MARK1: variants seen among roughly 807,000 people sequenced by gnomAD.
MARK1 encodes the protein microtubule affinity regulating kinase 1, also known as serine/threonine-protein kinase MARK1.
Under a neutral mutation model 96.3 loss-of-function variants are expected in MARK1, and 40 were observed. That is an observed-to-expected ratio of 0.42 (90% CI 0.32 to 0.54). MARK1 has a LOEUF of 0.54. Among genes scored for constraint, MARK1 ranks in the 20% least tolerant of loss-of-function variants. MARK1 has a pLI of 0.16. For missense variants in MARK1, 719 were observed against 984.6 expected, an observed-to-expected ratio of 0.73 and a Z score of 3.61; for synonymous variants, 317 against 341.2, an observed-to-expected ratio of 0.93 and a Z score of 0.78.
chr1:220,537,174 G>T (rs547145868), intron 1 of MARK1, among the ~76,000 whole-genome samples: 6 of 149,380 alleles, frequency 4.0e-5, no homozygotes, highest in African/African-American at 1.2e-4. Flanking sequence ...TGCCATGCTG[G>T]TGTGCTGCAC....
At chr1:220,551,899 T>A (rs2102744977) in intron 1 of MARK1, among the ~76,000 whole-genome samples, 1 of 152,312 alleles carries the variant, frequency 6.6e-6, no homozygotes, top group Non-Finnish European at 1.5e-5. Context: ...GTTCTTTGCC[T>A]GGTGAAGTAA....
At chr1:220,570,657 A>G (rs188398617) in intron 1 of MARK1, among the ~76,000 whole-genome samples, 2 of 152,250 alleles carry the variant, frequency 1.3e-5, no homozygotes, top group East Asian at 3.9e-4. Context: ...TTAATATGTT[A>G]TTGGTGATAT....
chr1:220,635,652 C>T, intron 12 of MARK1, 123 bp downstream of exon 12: 1 of 1,203,524 alleles, frequency 8.3e-7, no homozygotes, highest in Non-Finnish European at 1.1e-6. Flanking sequence ...ACTTATATTA[C>T]TGAATTATAA....
At chr1:220,648,294 GTAGT>G (rs1668694190) in intron 13 of MARK1, among the ~76,000 whole-genome samples, 1 of 152,154 alleles carries the variant, frequency 6.6e-6, no homozygotes, top group Admixed American at 6.5e-5. Context: ...GTCTGCAAGG[GTAGT>G]TTTCCACCTA....
At chr1:220,531,108 T>C (rs1019656497) in intron 1 of MARK1, among the ~76,000 whole-genome samples, 4 of 152,212 alleles carry the variant, frequency 2.6e-5, no homozygotes, top group African/African-American at 9.6e-5. Context: ...TAGGTGTTTA[T>C]CAAAGAGGCC....
At chr1:220,580,848 A>AT (rs1405359033) in intron 2 of MARK1, among the ~76,000 whole-genome samples, 1 of 152,202 alleles carries the variant, frequency 6.6e-6, no homozygotes, top group Non-Finnish European at 1.5e-5. Flanking sequence ...CAAAGCTTTC[A>AT]TTTCATTGGC....
intron 3 of MARK1, among the ~76,000 whole-genome samples, chr1:220,582,197 C>A (rs188906771): frequency 7.9e-5 from 12 of 152,326 alleles, no homozygotes; most frequent in African/African-American, 2.9e-4. Flanking sequence ...GAAAATTTGA[C>A]AACCAGTATA....
chr1:220,645,151 T>C (rs1242398204), intron 13 of MARK1, among the ~76,000 whole-genome samples: 3 of 151,666 alleles, frequency 2.0e-5, no homozygotes, highest in Non-Finnish European at 4.4e-5. Context: ...TTTGAAAATA[T>C]AAATAAAACA....
At chr1:220,647,360 T>A (rs1668637588) in intron 13 of MARK1, among the ~76,000 whole-genome samples, 1 of 152,102 alleles carries the variant, frequency 6.6e-6, no homozygotes, top group Admixed American at 6.5e-5. Context: ...TACCATCTCA[T>A]GCCAGTCAGA....
At chr1:220,589,958 T>A (rs190954810) in intron 3 of MARK1, among the ~76,000 whole-genome samples, 1 of 152,332 alleles carries the variant, frequency 6.6e-6, no homozygotes, top group East Asian at 1.9e-4. Flanking sequence ...CTTTTCATAG[T>A]CTAAATGCCT....
At position 220,537,215 on chromosome 1, in the gene MARK1, T is replaced by G. The variant is rs1450660767; in HGVS notation, c.51+8342T>G. Among the ~76,000 whole-genome samples the G allele has an allele frequency of 3.4e-5, 5 of 148,076 alleles. No homozygotes were observed. In the East Asian group the frequency reaches 1.0e-3, roughly 31 times the overall value. ...AACTCTTCATTTAGCATTAGGTATATCTCCTAATGCTATCCCTCCCCCCTC... is the reference window on the plus strand; with the variant it reads ...AACTCTTCATTTAGCATTAGGTATAGCTCCTAATGCTATCCCTCCCCCCTC... On this transcript the variant is annotated intron_variant, in intron 1 of 17. Coordinates refer to ENST00000366917, the MANE Select transcript of MARK1 (RefSeq NM_018650.5).
intron 1 of MARK1, among the ~76,000 whole-genome samples, chr1:220,547,218 T>C (rs17584152): frequency 0.045 from 6,782 of 152,276 alleles, 254 homozygotes; most frequent in Non-Finnish European, 0.063. Flanking sequence ...CTGGCCACTC[T>C]AGATTCTTTC....
intron 1 of MARK1, among the ~76,000 whole-genome samples, chr1:220,561,245 A>T (rs1662649534): frequency 6.6e-6 from 1 of 152,172 alleles, no homozygotes; most frequent in South Asian, 2.1e-4. Flanking sequence ...TAAACACATG[A>T]GATAAATGCT....
chr1:220,546,030 T>C (rs1414782512), intron 1 of MARK1, among the ~76,000 whole-genome samples: 1 of 152,162 alleles, frequency 6.6e-6, no homozygotes, highest in East Asian at 1.9e-4. Context: ...TCACCCCCCA[T>C]CTTTGATGTC....
intron 3 of MARK1, among the ~76,000 whole-genome samples, chr1:220,587,195 A>T (rs976506531): frequency 1.3e-5 from 2 of 151,998 alleles, no homozygotes; most frequent in Non-Finnish European, 2.9e-5. Flanking sequence ...ATCTTTCTGT[A>T]ATCAGATTTT....
At chr1:220,575,413 C>T (rs1663763965) in intron 1 of MARK1, among the ~76,000 whole-genome samples, 1 of 152,134 alleles carries the variant, frequency 6.6e-6, no homozygotes, top group Non-Finnish European at 1.5e-5. Context: ...AAATTAAATT[C>T]ACTGTTTAAT....
chr1:220,572,641 T>C (rs1663553905), intron 1 of MARK1, among the ~76,000 whole-genome samples: 1 of 152,214 alleles, frequency 6.6e-6, no homozygotes, highest in Non-Finnish European at 1.5e-5. Context: ...CTTCTGCTTA[T>C]AAGTTCCACG....
intron 3 of MARK1, among the ~76,000 whole-genome samples, chr1:220,582,506 A>T (rs1406384410): frequency 6.6e-6 from 1 of 152,208 alleles, no homozygotes; most frequent in East Asian, 1.9e-4. Flanking sequence ...GGGTAATTGT[A>T]CACAGTGTCC....
chr1:220,641,144 G>C (rs1228848686), intron 13 of MARK1, among the ~76,000 whole-genome samples: 1 of 152,116 alleles, frequency 6.6e-6, no homozygotes, highest in Non-Finnish European at 1.5e-5. Flanking sequence ...ACTTGTAAAG[G>C]TATTTTCCAT....
Sources: gnomAD v4.1 joint callset for allele counts (sites outside exome capture counted in the v4.1 genomes callset) on GRCh38, gnomAD v4.1.1 for gene constraint, MANE v1.5 for transcripts, NCBI Gene and HGNC (gene_info 2026-07-23, HGNC 2026-07-21) for gene names.